The following THADA variants were observed in gnomAD, a reference collection of about 807,000 sequenced individuals.
THADA encodes the protein tRNA (32-2'-O)-methyltransferase regulator THADA.
THADA carries 213 observed loss-of-function variants against 219.8 expected under a neutral mutation model. The ratio of observed to expected loss-of-function variants is 0.97; its 90% CI spans 0.87 to 1.09. The LOEUF (loss-of-function observed/expected upper bound fraction) is 1.09. Ranked by LOEUF, THADA falls within the 50% of genes least tolerant of loss-of-function variation. The probability of loss-of-function intolerance (pLI) is 0.00; values close to 1 mark genes in which losing one functional copy is unlikely to be tolerated. For missense variants in THADA, 2,956 were observed against 2,311.3 expected, an observed-to-expected ratio of 1.28 and a Z score of -5.72; for synonymous variants, 1,018 against 828.9, an observed-to-expected ratio of 1.23 and a Z score of -3.92.
intron 36 of THADA, among the ~76,000 whole-genome samples, chr2:43,261,306 T>G (rs1056186786): frequency 2.9e-5 from 4 of 137,436 alleles, no homozygotes; most frequent in African/African-American, 1.1e-4. Flanking sequence ...TCACTGCAAC[T>G]TCCACCTCCT....
intron 34 of THADA, among the ~76,000 whole-genome samples, chr2:43,290,912 G>C (rs550384256): frequency 6.6e-6 from 1 of 152,206 alleles, no homozygotes; most frequent in African/African-American, 2.4e-5. Flanking sequence ...TGTAAAACAG[G>C]TGGGGCGCAT....
Position 43,297,959 on chromosome 2 carries a change from A to T in THADA, c.4439-4746T>A. Among the ~76,000 whole-genome samples the T allele has an allele frequency of 4.6e-5, 3 of 64,938 alleles. 1 individual carries two copies. The South Asian group carries it at 2.2e-3, about 47-fold the overall frequency. The allele number at this position is 64,938 out of a possible 152,430, so 42.6% of individuals were successfully genotyped here. Reference sequence around the variant, plus strand: ...CATCCGGGAGGGAGGTGGGGGGGTCAGCCCCCCGCCCGGCCAGCCGCCCCG... The same window carrying T: ...CATCCGGGAGGGAGGTGGGGGGGTCTGCCCCCCGCCCGGCCAGCCGCCCCG... On this transcript the variant is annotated intron_variant, in intron 31 of 37. Transcript: ENST00000405975.
At chr2:43,560,916 C>G (rs1697979562) in intron 15 of THADA, among the ~76,000 whole-genome samples, 1 of 150,262 alleles carries the variant, frequency 6.7e-6, no homozygotes, top group Non-Finnish European at 1.5e-5. Context: ...ACTTGGGAGG[C>G]TGAGGCAGCA....
intron 13 of THADA, among the ~76,000 whole-genome samples, chr2:43,571,337 C>G (rs181182970): frequency 1.3e-5 from 2 of 151,136 alleles, no homozygotes; most frequent in African/African-American, 4.9e-5. Context: ...CTGCAACCTC[C>G]GCTCCTAGGT....
chr2:43,273,049 G>C (rs1043478254), intron 36 of THADA, among the ~76,000 whole-genome samples: 3 of 152,052 alleles, frequency 2.0e-5, no homozygotes, highest in African/African-American at 7.2e-5. Flanking sequence ...AGGAGTTCAA[G>C]ACCAGCCTGG....
chr2:43,547,173 T>C (rs539312459), intron 20 of THADA, among the ~76,000 whole-genome samples: 1 of 152,334 alleles, frequency 6.6e-6, no homozygotes, highest in East Asian at 1.9e-4. Flanking sequence ...TGAAAATTCT[T>C]TTCTTTAAGA....
chr2:43,475,790 A>C (rs1330941421), intron 26 of THADA, among the ~76,000 whole-genome samples: 1 of 152,218 alleles, frequency 6.6e-6, no homozygotes, highest in Non-Finnish European at 1.5e-5. Context: ...ATATCTAGAC[A>C]CTTGTACTAC....
At chr2:43,310,943 G>A (rs970280418) in intron 31 of THADA, among the ~76,000 whole-genome samples, 3 of 152,234 alleles carry the variant, frequency 2.0e-5, no homozygotes, top group African/African-American at 7.2e-5. Context: ...TTGGGAGGCT[G>A]AGGCAGGCAG....
chr2:43,272,448 C>T (rs1472657510), intron 36 of THADA, among the ~76,000 whole-genome samples: 2 of 152,088 alleles, frequency 1.3e-5, no homozygotes, highest in African/African-American at 4.8e-5. Context: ...ATGAAACAAG[C>T]CTGGCGGACA....
At chr2:43,541,116 G>A (rs72867037) in intron 21 of THADA, 43 bp downstream of exon 21, 164 of 1,435,702 alleles carry the variant, frequency 1.1e-4, no homozygotes, top group African/African-American at 1.1e-3. Context: ...TGATTTATGC[G>A]TTGACCAGAA....
chr2:43,566,908 GT>G (rs1698759665), intron 14 of THADA, 87 bp from the exon 15 acceptor site: 2 of 915,060 alleles, frequency 2.2e-6, no homozygotes, highest in Admixed American at 7.7e-5. Context: ...AAGAGTGGGT[GT>G]TTTTGTTTTC....
At chr2:43,451,603 T>A (rs1373096610) in intron 26 of THADA, among the ~76,000 whole-genome samples, 1 of 152,212 alleles carries the variant, frequency 6.6e-6, no homozygotes, top group Non-Finnish European at 1.5e-5. Flanking sequence ...ATCTTCTTGC[T>A]ATTTTTTTTA....
intron 31 of THADA, among the ~76,000 whole-genome samples, chr2:43,298,191 T>C (rs1222544407): frequency 2.6e-5 from 2 of 77,742 alleles, no homozygotes; most frequent in Non-Finnish European, 4.6e-5. Context: ...AGAAATCGGA[T>C]GGTTGCCGTG....
At chr2:43,527,818 C>T (rs80251462) in intron 22 of THADA, 61 bp downstream of exon 22, 2 of 1,168,610 alleles carry the variant, frequency 1.7e-6, no homozygotes, top group Non-Finnish European at 2.5e-6. Context: ...AATTCTACTC[C>T]AAGCATATGC....
intron 36 of THADA, among the ~76,000 whole-genome samples, chr2:43,270,425 C>G (rs538444272): frequency 1.3e-5 from 2 of 152,268 alleles, no homozygotes; most frequent in African/African-American, 4.8e-5. Context: ...CAGCTCTGGT[C>G]CCCAACCCAT....
At chr2:43,248,066 A>C (rs1014230259) in intron 36 of THADA, among the ~76,000 whole-genome samples, 5 of 149,112 alleles carry the variant, frequency 3.4e-5, no homozygotes, top group Admixed American at 6.7e-5. Context: ...ACAAACAAAA[A>C]AAAAGTTGAT....
chr2:43,552,184 G>A lies in THADA; in HGVS notation c.2810+20C>T, dbSNP rs1373909742. 1.9e-6 allele frequency: 3 copies of A among 1,598,212 alleles called. No homozygotes were observed. The African/African-American group carries it at 4.0e-5, about 21-fold the overall frequency. On this transcript the variant is annotated intron_variant, in intron 18 of 37. Transcript: ENST00000405975. ...AATGAATGGATTTCTGAGACAGGAGGCAGCTGTGGAAATCCTTACTTTAGA... is the reference window on the plus strand; with the variant it reads ...AATGAATGGATTTCTGAGACAGGAGACAGCTGTGGAAATCCTTACTTTAGA...
chr2:43,498,948 G>C lies in THADA; in HGVS notation c.3629C>G (p.Ala1210Gly). The C allele has an allele frequency of 6.4e-7, 1 of 1,565,030 alleles. No individual in the cohort carries two copies. Among genetic ancestry groups the C allele is most frequent in the Non-Finnish European group, 8.7e-7 (1 of 1,154,002 alleles). The stretch of plus-strand genomic sequence containing the variant: ...GAACAATGCTCTAAGGATATTTAAA[G>C]CATGAACCTAAAACAAGAAGTTCAA... ...DIQSTVPQVH[A>G]LNILRALFRD... Residue 1210 changes from alanine (A) to glycine (G), a missense_variant, in exon 25 of 38, where the codon GCT becomes GGT. By Grantham distance (60) the Ala-to-Gly change is moderately conservative. Transcript: ENST00000405975.
intron 36 of THADA, among the ~76,000 whole-genome samples, chr2:43,253,992 C>T (rs184695614): frequency 1.8e-3 from 270 of 152,222 alleles, no homozygotes; most frequent in Non-Finnish European, 2.8e-3. Flanking sequence ...AGCCCCTCCA[C>T]ACCTTTTAGT....
Sources: allele counts gnomAD v4.1 joint callset (sites outside exome capture counted in the v4.1 genomes callset), GRCh38; gene constraint gnomAD v4.1.1; transcripts MANE v1.5; gene names NCBI Gene and HGNC (gene_info 2026-07-23, HGNC 2026-07-21).